NCKAP1: variants seen among roughly 807,000 people sequenced by gnomAD.
NCKAP1 encodes the protein NCK associated protein 1.
Under a neutral mutation model 151.2 loss-of-function variants are expected in NCKAP1, and 21 were observed. The observed-to-expected ratio is 0.14, with a 90% CI of 0.10 to 0.20. NCKAP1 has a LOEUF of 0.20. NCKAP1 is among the 10% of genes least tolerant of loss of function. The pLI is 1.00. For missense variants in NCKAP1, 933 were observed against 1,352.1 expected (o/e 0.69, Z 4.86); for synonymous variants, 484 against 451.8 (o/e 1.07, Z -0.90).
rs1699141197 is a variant in NCKAP1 at position 183,038,084 on chromosome 2, G to A, written c.16C>T (p.Leu6=). 1 of 1,576,896 alleles carries A rather than the reference G, an allele frequency of 6.3e-7. No homozygotes were observed. The highest frequency in any genetic ancestry group is 8.5e-7 in the Non-Finnish European group (1 of 1,170,308). ...GCCAGCTTCTGCTGACTGGGCTGCA[G>A]CACTGAGCGCGACATGGTGGTGCTG... MSRSV[L]QPSQQKLAEK... The change falls in exon 1 of 31, where the codon CTG becomes TTG. Residue 6 remains leucine, a synonymous_variant. Coordinates refer to ENST00000361354, the MANE Select transcript of NCKAP1 (RefSeq NM_013436.5).
intron 23 of NCKAP1, chr2:182,947,136 C>T (rs1697124694): frequency 6.6e-6 from 1 of 152,196 alleles, no homozygotes. Context: ...ATATCTTTCT[C>T]CAGAGAAGAT....
Position 182,973,413 on chromosome 2 carries a change from A to G in NCKAP1, c.1482+3480T>C, listed in dbSNP as rs963994279. Among the ~76,000 whole-genome samples the G allele has an allele frequency of 1.3e-5, 2 of 152,164 alleles. 1 individual carries two copies. Among genetic ancestry groups the G allele is most frequent in the Admixed American group, 1.3e-4 (2 of 15,270 alleles). On this transcript the variant is annotated intron_variant, in intron 15 of 30. Coordinates refer to ENST00000361354, the MANE Select transcript of NCKAP1 (RefSeq NM_013436.5). Reference sequence around the variant, plus strand: ...AAGAGCAACTAAAAATGCTTAAGGGACTGATGGAATACACAACAGAATGAG... The same window carrying G: ...AAGAGCAACTAAAAATGCTTAAGGGGCTGATGGAATACACAACAGAATGAG...
chr2:182,954,053 C>T (rs1697274308), intron 20 of NCKAP1, among the ~76,000 whole-genome samples: 1 of 152,082 alleles, frequency 6.6e-6, no homozygotes, highest in African/African-American at 2.4e-5. Flanking sequence ...TAATAAACAC[C>T]TACAATGTAC....
chr2:182,983,690 T>G lies in NCKAP1; in HGVS notation c.1005-308A>C, dbSNP rs542707810. ...ATCTAGCTATTTATTTATGAATAAT[T>G]TATCCAATTTTAGTACCATGTAGCT... On this transcript the variant is annotated intron_variant, in intron 10 of 30. Transcript: ENST00000361354. 2.5e-4 allele frequency among the ~76,000 whole-genome samples: 38 copies of G among 152,330 alleles called. 1 individual carries two copies. Among genetic ancestry groups the G allele is most frequent in the Admixed American group, 7.2e-4 (11 of 15,292 alleles).
intron 15 of NCKAP1, among the ~76,000 whole-genome samples, chr2:182,973,913 TTCTG>T (rs1232471559): frequency 1.3e-5 from 2 of 152,224 alleles, no homozygotes; most frequent in African/African-American, 4.8e-5. Context: ...GATAAACATA[TTCTG>T]TCTATGACAT....
chr2:182,983,771 G>A (rs1697989030), intron 10 of NCKAP1, among the ~76,000 whole-genome samples: 1 of 152,158 alleles, frequency 6.6e-6, no homozygotes, highest in African/African-American at 2.4e-5. Flanking sequence ...AGTGGCCCAT[G>A]CCTGTAATCC....
chr2:182,931,339 T>C (rs1187547445), intron 26 of NCKAP1, among the ~76,000 whole-genome samples: 1 of 152,136 alleles, frequency 6.6e-6, no homozygotes, highest in East Asian at 1.9e-4. Flanking sequence ...GCATTCTGAC[T>C]GCTCAATAAC....
chr2:182,941,078 A>C (rs758532088), intron 24 of NCKAP1, among the ~76,000 whole-genome samples: 2 of 151,998 alleles, frequency 1.3e-5, no homozygotes, highest in Non-Finnish European at 2.9e-5. Flanking sequence ...GTTTAGGAAC[A>C]TAAACTTGTT....
rs1315116512 is a variant in NCKAP1 at position 183,038,150 on chromosome 2, G to A, written c.-51C>T. On this transcript the variant is annotated 5_prime_UTR_variant, in exon 1 of 31. Transcript: ENST00000361354. ...CCGGCCGCCTCGCGCCCAGTCACGG[G>A]CCCGCGGCCTTCGCAGCAGCCTCTC... 7.3e-6 allele frequency: 10 copies of A among 1,373,736 alleles called. No individual in the cohort carries two copies. Among genetic ancestry groups the A allele is most frequent in the Non-Finnish European group, 8.7e-6 (9 of 1,034,162 alleles). The allele number at this position is 1,373,736 out of a possible 1,614,324, so 85.1% of individuals were successfully genotyped here. A position where few individuals can be genotyped will look rare whatever the true frequency, so the allele number is the denominator to read the frequency against.
intron 23 of NCKAP1, among the ~76,000 whole-genome samples, chr2:182,948,403 G>A (rs964540817): frequency 7.2e-5 from 11 of 152,060 alleles, no homozygotes; most frequent in African/African-American, 2.7e-4. Context: ...ATTGTTTACA[G>A]TCGTTCCGCA....
intron 23 of NCKAP1, among the ~76,000 whole-genome samples, chr2:182,951,304 C>T (rs1353486317): frequency 6.6e-6 from 1 of 151,942 alleles, no homozygotes; most frequent in Non-Finnish European, 1.5e-5. Context: ...TCAGATTAAC[C>T]ACATTTAGAA....
At chr2:182,945,400 A>AAAAG (rs1240944063) in intron 23 of NCKAP1, among the ~76,000 whole-genome samples, 3 of 152,092 alleles carry the variant, frequency 2.0e-5, no homozygotes, top group South Asian at 2.1e-4. Context: ...TGTCTCTTAA[A>AAAAG]AAAGAAAGAA....
intron 10 of NCKAP1, among the ~76,000 whole-genome samples, chr2:182,985,065 C>T (rs149450781): frequency 0.013 from 1,913 of 152,264 alleles, 25 homozygotes; most frequent in Non-Finnish European, 0.022. Flanking sequence ...AGTACGTTAT[C>T]TGCACTAGAA....
rs1042336013 is a variant in NCKAP1 at position 182,989,156 on chromosome 2, T to C, written c.821A>G (p.Asn274Ser). The C allele has an allele frequency of 1.9e-6, 3 of 1,606,972 alleles. No homozygotes were observed. The highest frequency in any genetic ancestry group is 1.3e-5 in the African/African-American group (1 of 74,666). ...AAGGTTCAGTGCTGTAGCGTCAGTA[T>C]TTAGGATCCCATGGCACAAAATAAA... ...FGFILCHGIL[N>S]TDATALNLWK... is the part of the protein sequence containing the mutation. The change falls in exon 9 of 31, where the codon AAT becomes AGT. Residue 274 changes from asparagine to serine, a missense_variant. Around this residue, in one of 2 missense-constraint regions of NCKAP1, gnomAD observed 607 missense variants for 795.0 expected, o/e 0.76. Coordinates refer to ENST00000361354, the MANE Select transcript of NCKAP1 (RefSeq NM_013436.5).
Position 182,986,196 on chromosome 2 carries a change from A to C in NCKAP1, c.979T>G (p.Cys327Gly), listed in dbSNP as rs572926015. Reference sequence around the variant, plus strand: ...GCATGTGACACGGCTGCCTCCTTGCATTCTCTTATGTCATTAATACGTTTA... The same window carrying C: ...GCATGTGACACGGCTGCCTCCTTGCCTTCTCTTATGTCATTAATACGTTTA... ...YNKRINDIRECKEAAVSHAGS... is the reference protein window; with the variant it reads ...YNKRINDIREGKEAAVSHAGS... Residue 327 changes from cysteine (C) to glycine (G), a missense_variant, in exon 10 of 31, where the codon TGC (cysteine) becomes GGC (glycine). Around this residue, in one of 2 missense-constraint regions of NCKAP1, gnomAD observed 607 missense variants for 795.0 expected, o/e 0.76. Coordinates refer to ENST00000361354, the MANE Select transcript of NCKAP1 (RefSeq NM_013436.5). 4 of 1,613,742 alleles carry C rather than the reference A, an allele frequency of 2.5e-6. No individual in the cohort carries two copies. The highest frequency in any genetic ancestry group is 3.4e-6 in the Non-Finnish European group (4 of 1,179,830).
At chr2:183,016,376 T>C (rs767311629) in intron 2 of NCKAP1, among the ~76,000 whole-genome samples, 1 of 152,254 alleles carries the variant, frequency 6.6e-6, no homozygotes, top group Admixed American at 6.5e-5. Flanking sequence ...CTTTTATTTA[T>C]TGTTTGTTCA....
At chr2:183,020,464 C>CAAAA (rs1179083096) in intron 2 of NCKAP1, among the ~76,000 whole-genome samples, 26 of 71,548 alleles carry the variant, frequency 3.6e-4, no homozygotes, top group African/African-American at 1.0e-3. Flanking sequence ...GACCGTGTCC[C>CAAAA]AAAAAAAAAA....
chr2:182,986,274 C>G, intron 9 of NCKAP1, 47 bp from the exon 10 acceptor site: 1 of 1,451,994 alleles, frequency 6.9e-7, no homozygotes, highest in Non-Finnish European at 9.6e-7. Context: ...TGATCAATAA[C>G]TGTCAAAATG....
At chr2:182,995,559 T>C (rs1698252326) in intron 7 of NCKAP1, 142 bp downstream of exon 7, 4 of 697,498 alleles carry the variant, frequency 5.7e-6, no homozygotes, top group East Asian at 5.5e-5. Context: ...CTGAACAATA[T>C]GACTTAAGTA....
Sources: allele counts gnomAD v4.1 joint callset (sites outside exome capture counted in the v4.1 genomes callset), GRCh38; gene constraint gnomAD v4.1.1; regional missense constraint gnomAD v4.1.1; transcripts MANE v1.5; gene names NCBI Gene and HGNC (gene_info 2026-07-23, HGNC 2026-07-21).